Variants in TPRG1 observed in about 807,000 individuals in gnomAD.
TPRG1 encodes tumor protein p63-regulated gene 1 protein.
A neutral mutation model predicts 29.3 loss-of-function variants in TPRG1; 29 were observed. The ratio of observed to expected loss-of-function variants is 0.99; its 90% CI spans 0.74 to 1.35. The LOEUF is 1.35. Ranked by LOEUF, TPRG1 falls within the 40% of genes most tolerant of loss-of-function variation. The pLI is 0.00. For synonymous variants in TPRG1, 130 were observed against 116.8 expected (o/e 1.11, Z -0.73); for missense variants, 327 against 335.0 (o/e 0.98, Z 0.19).
chr3:189,023,194 C>T (rs1430319415), intron 3 of TPRG1, among the ~76,000 whole-genome samples: 7 of 152,234 alleles, frequency 4.6e-5, no homozygotes, highest in East Asian at 1.9e-4. Context: ...TCTTCTGCGT[C>T]GCTCACGCTG....
chr3:189,200,664 G>A (rs531342853), intron 1 of TPRG1, among the ~76,000 whole-genome samples: 2 of 152,286 alleles, frequency 1.3e-5, no homozygotes, highest in South Asian at 4.1e-4. Flanking sequence ...TTCCCTGTCT[G>A]TGCACAAATA....
intron 3 of TPRG1, among the ~76,000 whole-genome samples, chr3:189,146,756 A>G (rs75509353): frequency 6.6e-6 from 1 of 152,260 alleles, no homozygotes; most frequent in African/African-American, 2.4e-5. Context: ...AAGTAATTAA[A>G]TGAAAGCAAT....
chr3:189,259,013 C>G (rs561286310), intron 4 of TPRG1, among the ~76,000 whole-genome samples: 1 of 152,160 alleles, frequency 6.6e-6, no homozygotes, highest in Non-Finnish European at 1.5e-5. Context: ...GTGAACAGTT[C>G]TGTCTTGCTG....
chr3:189,172,652 G>A (rs563040105), intron 1 of TPRG1, among the ~76,000 whole-genome samples: 1 of 152,252 alleles, frequency 6.6e-6, no homozygotes, highest in South Asian at 2.1e-4. Context: ...AGTTTGAGAG[G>A]GTTATTTTTG....
chr3:189,157,952 T>G (rs77702065), intron 5 of TPRG1, among the ~76,000 whole-genome samples: 1 of 152,194 alleles, frequency 6.6e-6, no homozygotes, highest in East Asian at 1.9e-4. Context: ...AAGACTTAAA[T>G]AAATAAGCAA....
At chr3:189,180,288 A>G (rs1343594214) in intron 1 of TPRG1, among the ~76,000 whole-genome samples, 2 of 151,972 alleles carry the variant, frequency 1.3e-5, no homozygotes, top group African/African-American at 4.8e-5. Flanking sequence ...TTCAAAACCA[A>G]TCATGCCTTC....
chr3:189,062,100 G>T (rs1378939011), intron 4 of TPRG1, among the ~76,000 whole-genome samples: 1 of 152,196 alleles, frequency 6.6e-6, no homozygotes, highest in East Asian at 1.9e-4. Flanking sequence ...GTTATACTGT[G>T]CAGCCATATA....
chr3:189,190,143 T>A (rs542431123), intron 1 of TPRG1, among the ~76,000 whole-genome samples: 1 of 152,232 alleles, frequency 6.6e-6, no homozygotes. Flanking sequence ...AACCCACTTC[T>A]GGTGAAACCT....
chr3:189,293,039 C>A (rs981542481), intron 4 of TPRG1, among the ~76,000 whole-genome samples: 1 of 152,158 alleles, frequency 6.6e-6, no homozygotes, highest in Non-Finnish European at 1.5e-5. Context: ...CCGGCAACCT[C>A]CGTTTCAGAG....
At chr3:189,288,483 G>A (rs1220233299) in intron 4 of TPRG1, among the ~76,000 whole-genome samples, 1 of 152,166 alleles carries the variant, frequency 6.6e-6, no homozygotes, top group African/African-American at 2.4e-5. Context: ...TTTTAAAGGT[G>A]CAAACCTGAT....
rs188638679 is a variant in TPRG1 at position 189,030,401 on chromosome 3, A to T, written c.-463+6455A>T. Among the ~76,000 whole-genome samples, 12 of 152,350 alleles carry T rather than the reference A, an allele frequency of 7.9e-5. No individual in the cohort carries two copies. The East Asian group carries it at 2.3e-3, about 29-fold the overall frequency. On this transcript the variant is annotated intron_variant, in intron 4 of 10. Transcript: ENST00000433971. ...CAATACTATACTCCTTTCTCCAATA[A>T]GTTTTAAATAGCCTCTGGAATCAAA...
At chr3:189,257,661 T>G (rs1321932206) in intron 4 of TPRG1, among the ~76,000 whole-genome samples, 1 of 152,230 alleles carries the variant, frequency 6.6e-6, no homozygotes, top group Non-Finnish European at 1.5e-5. Flanking sequence ...GTAGATTTGG[T>G]CTTTTCACAT....
intron 3 of TPRG1, among the ~76,000 whole-genome samples, chr3:189,139,339 A>G (rs1375232244): frequency 6.6e-6 from 1 of 152,108 alleles, no homozygotes; most frequent in African/African-American, 2.4e-5. Context: ...TGGGGAGCTG[A>G]CCCGGATCCA....
chr3:189,236,470 C>G (rs2108929991), intron 3 of TPRG1, among the ~76,000 whole-genome samples: 1 of 152,248 alleles, frequency 6.6e-6, no homozygotes, highest in South Asian at 2.1e-4. Context: ...CTGAGAATGT[C>G]AAGCAGACTC....
At chr3:189,143,234 C>T (rs947306899) in intron 3 of TPRG1, among the ~76,000 whole-genome samples, 1 of 152,050 alleles carries the variant, frequency 6.6e-6, no homozygotes, top group Non-Finnish European at 1.5e-5. Context: ...AACACTGAAA[C>T]AAAGTAGGAG....
rs1403705631 is a variant in TPRG1 at position 189,234,532 on chromosome 3, A to G, written c.303-4201A>G. 2.0e-5 allele frequency among the ~76,000 whole-genome samples: 3 copies of G among 152,276 alleles called. No individual in the cohort carries two copies. The East Asian group carries it at 5.8e-4, about 29-fold the overall frequency. On this transcript the variant is annotated intron_variant, in intron 3 of 5. Transcript: ENST00000345063. ...CTATTTTGGCATGAACATTTCCGCA[A>G]TGTTACTGATTGTTTATTGACAGAA... is the stretch of plus-strand genomic sequence containing the variant.
At chr3:189,235,932 C>A (rs1003846957) in intron 3 of TPRG1, among the ~76,000 whole-genome samples, 2 of 152,120 alleles carry the variant, frequency 1.3e-5, no homozygotes, top group Non-Finnish European at 2.9e-5. Context: ...TATTCAAGGA[C>A]CTTGTAAACC....
At chr3:189,236,859 T>C (rs1739548672) in intron 3 of TPRG1, among the ~76,000 whole-genome samples, 1 of 152,116 alleles carries the variant, frequency 6.6e-6, no homozygotes, top group Admixed American at 6.5e-5. Flanking sequence ...CCTAACTGCA[T>C]CTTGCCTATC....
chr3:189,178,217 A>G (rs1271786439), intron 1 of TPRG1, among the ~76,000 whole-genome samples: 2 of 152,184 alleles, frequency 1.3e-5, no homozygotes, highest in Non-Finnish European at 1.5e-5. Flanking sequence ...ATTGAGGTGG[A>G]GGAAAGATAA....
Sources: allele counts gnomAD v4.1 joint callset (sites outside exome capture counted in the v4.1 genomes callset), GRCh38; gene constraint gnomAD v4.1.1; transcripts MANE v1.5; gene names NCBI Gene and HGNC (gene_info 2026-07-23, HGNC 2026-07-21).